Variants in SEL1L observed in about 807,000 individuals in gnomAD.
The protein encoded by SEL1L is SEL1L adaptor subunit of SYVN1 ubiquitin ligase, also known as protein sel-1 homolog 1.
Under a neutral mutation model 109.8 loss-of-function variants are expected in SEL1L, and 52 were observed. The observed-to-expected ratio is 0.47, with a 90% CI of 0.38 to 0.60. The LOEUF (loss-of-function observed/expected upper bound fraction) is 0.60, where lower values mean the gene tolerates loss of function less well. Among genes scored for constraint, SEL1L ranks in the 20% least tolerant of loss-of-function variants. SEL1L has a pLI of 0.00. For synonymous variants in SEL1L, 373 were observed against 339.6 expected (o/e 1.10, Z -1.08); for missense variants, 749 against 962.2 (o/e 0.78, Z 2.93).
chr14:81,510,514 C>CTCTCTCTCTCTCTCTCTCTATA (rs35474067), intron 3 of SEL1L, among the ~76,000 whole-genome samples: 1 of 104,052 alleles, frequency 9.6e-6, no homozygotes, highest in African/African-American at 3.4e-5. Context: ...CTCTCTCTCT[C>CTCTCTCTCTCTCTCTCTCTATA]TATATATATA....
chr14:81,526,537 T>C (rs1314979986), intron 3 of SEL1L, among the ~76,000 whole-genome samples, 196 bp downstream of exon 3: 1 of 152,252 alleles, frequency 6.6e-6, no homozygotes, highest in Admixed American at 6.5e-5. Context: ...ATTCAGCTTA[T>C]GTAACTTGGG....
chr14:81,491,854 A>T (rs1019178650), intron 12 of SEL1L, among the ~76,000 whole-genome samples: 1 of 152,198 alleles, frequency 6.6e-6, no homozygotes, highest in African/African-American at 2.4e-5. Context: ...AAATTTCAAC[A>T]AACTCTAATT....
intron 3 of SEL1L, among the ~76,000 whole-genome samples, chr14:81,526,441 C>T (rs747641554): frequency 6.6e-6 from 1 of 151,990 alleles, no homozygotes; most frequent in Non-Finnish European, 1.5e-5. Context: ...TTTTAAATTT[C>T]TCAGTGAGAA....
chr14:81,533,630 G>A (rs752404456), intron 1 of SEL1L, 45 bp downstream of exon 1: 19 of 1,588,110 alleles, frequency 1.2e-5, no homozygotes, highest in Non-Finnish European at 1.5e-5. Flanking sequence ...TAGAGGCTGG[G>A]GGGCGGAGGC....
intron 3 of SEL1L, among the ~76,000 whole-genome samples, chr14:81,518,546 G>C (rs1566624517): frequency 6.6e-6 from 1 of 151,104 alleles, no homozygotes; most frequent in Non-Finnish European, 1.5e-5. Context: ...TGTAATCCCA[G>C]CTGCTTGGGA....
intron 8 of SEL1L, chr14:81,498,987 T>C (rs1361950314): frequency 2.2e-6 from 1 of 452,128 alleles, no homozygotes; most frequent in African/African-American, 2.1e-5. Flanking sequence ...AAACAGAAAG[T>C]AGAGCTCTCT....
intron 11 of SEL1L, among the ~76,000 whole-genome samples, chr14:81,494,131 T>C (rs892355576): frequency 3.9e-5 from 6 of 152,154 alleles, no homozygotes; most frequent in Non-Finnish European, 8.8e-5. Context: ...TGCCTGAACA[T>C]ATCCCTAAAA....
At chr14:81,496,999 C>T (rs893837008) in intron 10 of SEL1L, among the ~76,000 whole-genome samples, 1 of 151,838 alleles carries the variant, frequency 6.6e-6, no homozygotes, top group African/African-American at 2.4e-5. Context: ...GGAAGAGATG[C>T]AACAGGAAAA....
chr14:81,490,826 A>G (rs758382191), intron 12 of SEL1L, among the ~76,000 whole-genome samples: 46 of 152,234 alleles, frequency 3.0e-4, no homozygotes, highest in Non-Finnish European at 5.9e-4. Context: ...GCTTGGGCCC[A>G]GGAGGCTGCA....
intron 3 of SEL1L, among the ~76,000 whole-genome samples, chr14:81,511,473 C>T (rs1191576116): frequency 2.0e-5 from 3 of 152,186 alleles, no homozygotes; most frequent in Non-Finnish European, 4.4e-5. Context: ...TTTAAAGACA[C>T]GTGAGTTTTC....
chr14:81,531,888 T>C (rs1050088750), intron 1 of SEL1L, among the ~76,000 whole-genome samples: 4 of 152,196 alleles, frequency 2.6e-5, no homozygotes, highest in Non-Finnish European at 5.9e-5. Flanking sequence ...ACTGCCTTTA[T>C]TACCTTTTAG....
chr14:81,526,694 C>A (rs371638489), intron 3 of SEL1L, 39 bp downstream of exon 3: 5 of 1,531,416 alleles, frequency 3.3e-6, no homozygotes, highest in East Asian at 2.2e-5. Context: ...TCAGTTGTCC[C>A]CTAAATAAAT....
At position 81,473,808 on chromosome 14, in the gene SEL1L, A is replaced by G. The variant is rs956942492; in HGVS notation, c.*3164T>C. ...TTTTCATTTATAGGCCTGCATGCAT[A>G]CTTCCAAAACACTGGTTTGAAGAAT... is the stretch of plus-strand genomic sequence containing the variant. On this transcript the variant is annotated 3_prime_UTR_variant, in exon 21 of 21. Coordinates refer to ENST00000336735, the MANE Select transcript of SEL1L (RefSeq NM_005065.6). The G allele has an allele frequency of 6.6e-6, 1 of 152,140 alleles. No individual in the cohort carries two copies. The highest frequency in any genetic ancestry group is 2.4e-5 in the African/African-American group (1 of 41,432). 9.4% of individuals were successfully genotyped at this position (152,140 alleles called of 1,614,324 possible). A position where few individuals can be genotyped will look rare whatever the true frequency, so the allele number is the denominator to read the frequency against.
intron 10 of SEL1L, among the ~76,000 whole-genome samples, chr14:81,496,577 A>C (rs547707263): frequency 5.9e-5 from 9 of 152,220 alleles, no homozygotes; most frequent in Non-Finnish European, 1.2e-4. Context: ...CATCTCCACT[A>C]AAAATACAAA....
At chr14:81,479,451 TC>T (rs2139980357) in intron 20 of SEL1L, 160 bp downstream of exon 20, 1 of 522,874 alleles carries the variant, frequency 1.9e-6, no homozygotes, top group East Asian at 3.4e-5. Context: ...CATTTATCCC[TC>T]CCCTGATAAG....
intron 3 of SEL1L, among the ~76,000 whole-genome samples, chr14:81,507,184 C>T (rs969911256): frequency 1.3e-5 from 2 of 152,186 alleles, no homozygotes; most frequent in African/African-American, 4.8e-5. Context: ...GGAGTTTGAA[C>T]TTTTATCCTG....
chr14:81,478,228 GAA>G (rs1041842461), intron 20 of SEL1L, among the ~76,000 whole-genome samples: 1 of 151,662 alleles, frequency 6.6e-6, no homozygotes, highest in Non-Finnish European at 1.5e-5. Flanking sequence ...AATTTTTCTG[GAA>G]AAAAAATGAC....
chr14:81,522,611 G>A (rs956942035), intron 3 of SEL1L, among the ~76,000 whole-genome samples: 17 of 152,118 alleles, frequency 1.1e-4, no homozygotes, highest in African/African-American at 3.6e-4. Flanking sequence ...TTTGCACAAC[G>A]ATAAAATTAA....
intron 19 of SEL1L, among the ~76,000 whole-genome samples, chr14:81,481,962 C>A (rs186783353): frequency 1.3e-5 from 2 of 151,334 alleles, no homozygotes; most frequent in Admixed American, 1.3e-4. Context: ...ACCCAGAGGG[C>A]GGAGGTTGCA....
Sources: allele counts gnomAD v4.1 joint callset (sites outside exome capture counted in the v4.1 genomes callset), GRCh38; gene constraint gnomAD v4.1.1; transcripts MANE v1.5; gene names NCBI Gene and HGNC (gene_info 2026-07-23, HGNC 2026-07-21).